Variants in ADCY8 observed in about 807,000 individuals in gnomAD.
ADCY8 encodes the protein adenylate cyclase type 8.
In ADCY8, 51 loss-of-function variants were observed where a neutral mutation model predicts 119.7. That is an observed-to-expected ratio of 0.43 (90% CI 0.34 to 0.54). The LOEUF is 0.54. Ranked by LOEUF, ADCY8 falls within the 20% of genes least tolerant of loss-of-function variation. ADCY8 has a pLI of 0.03. For missense variants in ADCY8, 1,383 were observed against 1,598.8 expected (o/e 0.87, Z 2.30); for synonymous variants, 665 against 651.0 (o/e 1.02, Z -0.33).
At chr8:130,792,317 C>A (rs1369096673) in intron 15 of ADCY8, among the ~76,000 whole-genome samples, 1 of 152,206 alleles carries the variant, frequency 6.6e-6, no homozygotes, top group East Asian at 1.9e-4. Context: ...AGGGCTCAGG[C>A]CTCAGACCTC....
chr8:131,033,348 T>A (rs892387223), intron 1 of ADCY8, among the ~76,000 whole-genome samples: 4 of 152,232 alleles, frequency 2.6e-5, no homozygotes, highest in African/African-American at 9.6e-5. Flanking sequence ...AAACTCTTTT[T>A]AAAAATATTT....
chr8:130,852,436 T>C (rs1817563339), intron 9 of ADCY8, among the ~76,000 whole-genome samples: 1 of 152,092 alleles, frequency 6.6e-6, no homozygotes, highest in Non-Finnish European at 1.5e-5. Context: ...CAACACACCA[T>C]TATTTCTGGG....
chr8:130,838,133 C>T (rs2130266945), intron 11 of ADCY8, among the ~76,000 whole-genome samples: 1 of 152,316 alleles, frequency 6.6e-6, no homozygotes, highest in Middle Eastern at 3.4e-3. Flanking sequence ...CTAAGCCTAG[C>T]TGGCTAATTT....
chr8:130,835,542 G>T (rs1330054322), intron 12 of ADCY8, among the ~76,000 whole-genome samples: 1 of 152,116 alleles, frequency 6.6e-6, no homozygotes, highest in Non-Finnish European at 1.5e-5. Context: ...GGTTTCATTA[G>T]CCTTGCCTTG....
intron 1 of ADCY8, among the ~76,000 whole-genome samples, chr8:131,018,624 T>C (rs1307286159): frequency 2.6e-5 from 4 of 152,240 alleles, no homozygotes; most frequent in African/African-American, 7.2e-5. Flanking sequence ...TCTGAGACTT[T>C]ACCTGCATTG....
chr8:130,864,766 C>T (rs902619718), intron 9 of ADCY8, among the ~76,000 whole-genome samples: 2 of 151,954 alleles, frequency 1.3e-5, no homozygotes, highest in African/African-American at 4.8e-5. Flanking sequence ...TTTTTTCTTG[C>T]ACATTGCCTA....
At chr8:131,004,925 A>G (rs1823067672) in intron 1 of ADCY8, among the ~76,000 whole-genome samples, 1 of 152,002 alleles carries the variant, frequency 6.6e-6, no homozygotes, top group African/African-American at 2.4e-5. Context: ...CAGAGTTTGG[A>G]AGTCAGAATT....
At chr8:130,899,685 T>C (rs1341925160) in intron 7 of ADCY8, among the ~76,000 whole-genome samples, 1 of 152,032 alleles carries the variant, frequency 6.6e-6, no homozygotes, top group African/African-American at 2.4e-5. Flanking sequence ...ATCCTCAGTA[T>C]GTAGTACACT....
intron 9 of ADCY8, among the ~76,000 whole-genome samples, chr8:130,850,150 C>T (rs1398045537): frequency 6.6e-6 from 1 of 152,122 alleles, no homozygotes; most frequent in Non-Finnish European, 1.5e-5. Context: ...ACCCACATAC[C>T]CTTTTCCCTT....
rs5895060 is a variant in ADCY8, at chr8:130,847,522, T to TAA, written c.2413-11_2413-10dup. On this transcript the variant is annotated splice_polypyrimidine_tract_variant and intron_variant, in intron 10 of 17. Coordinates refer to ENST00000286355, the MANE Select transcript of ADCY8 (RefSeq NM_001115.3). Reference sequence around the variant, plus strand: ...TCAAAATCACACCACAGCTGCGGATTAAAAAAAAAAAAAAAAGAACAACAA... The same window carrying TAA: ...TCAAAATCACACCACAGCTGCGGATTAAAAAAAAAAAAAAAAAAGAACAACAA... The TAA allele has an allele frequency of 2.2e-3, 3,143 of 1,436,740 alleles. 15 individuals are homozygous for TAA. The African/African-American group carries it at 0.024, about 11-fold the overall frequency. 89.0% of individuals were successfully genotyped at this position (1,436,740 alleles called of 1,614,324 possible).
intron 16 of ADCY8, 122 bp downstream of exon 16, chr8:130,785,261 C>T (rs1815213782): frequency 1.6e-6 from 1 of 607,608 alleles, no homozygotes; most frequent in South Asian, 2.7e-5. Flanking sequence ...ATAATCCAGT[C>T]CATTAGATTT....
chr8:130,907,050 A>G (rs1404603592), intron 6 of ADCY8, among the ~76,000 whole-genome samples: 1 of 152,078 alleles, frequency 6.6e-6, no homozygotes, highest in Non-Finnish European at 1.5e-5. Flanking sequence ...ATTATATGGT[A>G]ACTACTACCA....
In ADCY8 at chr8:130,909,796, C is replaced by T. The variant is rs759274341; in HGVS notation, c.1552G>A (p.Gly518Ser). ...TGCCACTTCCTTAGTCCCAAAACAC[C>T]GCACAGCACCGAGCCGGAGTGGATT... The part of the protein sequence containing the change: ...IGIHSGSVLC[G>S]VLGLRKWQFD... Residue 518 changes from glycine to serine, a missense_variant, in exon 6 of 18, where the codon GGT becomes AGT. This residue lies in a region of ADCY8 where 928 missense variants were observed against 1,163.5 expected (regional missense o/e 0.80). Transcript: ENST00000286355. 3.1e-6 allele frequency: 5 copies of T among 1,614,140 alleles called. No individual in the cohort carries two copies. Among genetic ancestry groups the T allele is most frequent in the Admixed American group, 1.7e-5 (1 of 60,022 alleles).
intron 14 of ADCY8, among the ~76,000 whole-genome samples, chr8:130,809,041 G>T (rs1816076814): frequency 6.6e-6 from 1 of 152,196 alleles, no homozygotes; most frequent in Non-Finnish European, 1.5e-5. Context: ...GCTATTCTAA[G>T]CCAAAAGCAC....
intron 9 of ADCY8, among the ~76,000 whole-genome samples, chr8:130,857,565 AT>A (rs755805582): frequency 6.6e-6 from 1 of 152,092 alleles, no homozygotes; most frequent in Non-Finnish European, 1.5e-5. Context: ...GTCCTCTATA[AT>A]TCCTGAAAAT....
At chr8:130,966,457 C>T (rs1821764753) in intron 2 of ADCY8, among the ~76,000 whole-genome samples, 2 of 151,892 alleles carry the variant, frequency 1.3e-5, no homozygotes, top group Admixed American at 1.3e-4. Context: ...AAGGGAAGTC[C>T]CAGAAAAATG....
intron 15 of ADCY8, among the ~76,000 whole-genome samples, chr8:130,787,990 T>C (rs1020819617): frequency 6.6e-6 from 1 of 152,208 alleles, no homozygotes; most frequent in African/African-American, 2.4e-5. Flanking sequence ...TTGGATTATA[T>C]CACATGCTTG....
chr8:130,820,141 C>A (rs982021761), intron 13 of ADCY8, among the ~76,000 whole-genome samples: 2 of 152,134 alleles, frequency 1.3e-5, no homozygotes, highest in African/African-American at 4.8e-5. Flanking sequence ...AATATTAATT[C>A]TTTATTCATT....
At chr8:130,916,780 C>G (rs993688563) in intron 5 of ADCY8, among the ~76,000 whole-genome samples, 4 of 152,196 alleles carry the variant, frequency 2.6e-5, no homozygotes, top group African/African-American at 9.7e-5. Context: ...TCAAGGGATA[C>G]TTTTAGTTAA....
Sources: gnomAD v4.1 joint callset for allele counts (sites outside exome capture counted in the v4.1 genomes callset) on GRCh38, gnomAD v4.1.1 for gene constraint, gnomAD v4.1.1 regional missense constraint, MANE v1.5 for transcripts, NCBI Gene and HGNC (gene_info 2026-07-23, HGNC 2026-07-21) for gene names.